Variants in TMCC1 observed in about 807,000 individuals in gnomAD.
The protein encoded by TMCC1 is transmembrane and coiled-coil domain family 1.
In TMCC1, 15 loss-of-function variants were observed where a neutral mutation model predicts 52.4. The ratio of observed to expected loss-of-function variants is 0.29; its 90% CI spans 0.19 to 0.44. The LOEUF (loss-of-function observed/expected upper bound fraction) is 0.44. TMCC1 is among the 20% of genes least tolerant of loss of function. TMCC1 has a pLI of 1.00. For missense variants in TMCC1, 503 were observed against 806.0 expected, an observed-to-expected ratio of 0.62 and a Z score of 4.55; for synonymous variants, 279 against 301.9, an observed-to-expected ratio of 0.92 and a Z score of 0.79.
intron 4 of TMCC1, among the ~76,000 whole-genome samples, chr3:129,806,330 A>G (rs1030845749): frequency 6.6e-6 from 1 of 152,248 alleles, no homozygotes; most frequent in Non-Finnish European, 1.5e-5. Flanking sequence ...AAAACAGATC[A>G]TCATTCTGAG....
chr3:129,738,387 G>A (rs2051167373), intron 4 of TMCC1, among the ~76,000 whole-genome samples: 2 of 152,054 alleles, frequency 1.3e-5, no homozygotes, highest in African/African-American at 2.4e-5. Context: ...CAGGCGTCAC[G>A]TTAATTAGGA....
intron 4 of TMCC1, among the ~76,000 whole-genome samples, chr3:129,788,364 T>C (rs2056190059): frequency 6.6e-6 from 1 of 152,252 alleles, no homozygotes; most frequent in South Asian, 2.1e-4. Context: ...AGTTTCTCTA[T>C]TTTTAGCCTA....
chr3:129,695,624 A>G (rs1173229074), intron 4 of TMCC1, among the ~76,000 whole-genome samples: 2 of 152,132 alleles, frequency 1.3e-5, no homozygotes, highest in African/African-American at 2.4e-5. Flanking sequence ...TGAGAACAGC[A>G]TGAGGGTAAC....
At chr3:129,717,865 T>C (rs2107585432) in intron 4 of TMCC1, among the ~76,000 whole-genome samples, 1 of 152,310 alleles carries the variant, frequency 6.6e-6, no homozygotes, top group Non-Finnish European at 1.5e-5. Context: ...ACCAGAATGA[T>C]CCTTTAAAAA....
chr3:129,731,771 C>G (rs541734056), intron 4 of TMCC1, among the ~76,000 whole-genome samples: 2 of 152,148 alleles, frequency 1.3e-5, no homozygotes, highest in African/African-American at 4.8e-5. Flanking sequence ...CAGGTGTCAG[C>G]CCCCAAGCCC....
At chr3:129,724,484 C>T (rs2049917341) in intron 4 of TMCC1, among the ~76,000 whole-genome samples, 1 of 152,188 alleles carries the variant, frequency 6.6e-6, no homozygotes. Flanking sequence ...AACCCCAAAC[C>T]ACCTCTGTGA....
chr3:129,883,810 T>C (rs751888155), intron 1 of TMCC1, among the ~76,000 whole-genome samples: 3 of 151,902 alleles, frequency 2.0e-5, no homozygotes, highest in Admixed American at 2.0e-4. Flanking sequence ...TTCACCAACA[T>C]GGTGAAACAA....
At chr3:129,765,906 TAC>T (rs1372089766) in intron 4 of TMCC1, among the ~76,000 whole-genome samples, 1 of 151,532 alleles carries the variant, frequency 6.6e-6, no homozygotes, top group Non-Finnish European at 1.5e-5. Context: ...GGGAGGGAGG[TAC>T]ACAGGGAGTG....
intron 2 of TMCC1, among the ~76,000 whole-genome samples, chr3:129,843,788 C>T (rs1283340517): frequency 6.6e-6 from 1 of 151,538 alleles, no homozygotes; most frequent in East Asian, 1.9e-4. Flanking sequence ...GTTAATTCGA[C>T]CAACCATTTA....
chr3:129,850,340 C>A (rs550012831), intron 2 of TMCC1, among the ~76,000 whole-genome samples: 2 of 152,360 alleles, frequency 1.3e-5, no homozygotes, highest in African/African-American at 4.8e-5. Context: ...ATACCCAACA[C>A]ACTGATGTTA....
chr3:129,881,925 A>C (rs887322937), intron 1 of TMCC1, among the ~76,000 whole-genome samples: 2 of 152,230 alleles, frequency 1.3e-5, no homozygotes, highest in African/African-American at 4.8e-5. Context: ...GCGATGTGTG[A>C]CTATTTGGAG....
At chr3:129,874,679 A>G (rs1374268416) in intron 2 of TMCC1, among the ~76,000 whole-genome samples, 1 of 152,108 alleles carries the variant, frequency 6.6e-6, no homozygotes, top group Admixed American at 6.5e-5. Context: ...CAACATAGCA[A>G]GACCCCATCT....
intron 4 of TMCC1, among the ~76,000 whole-genome samples, chr3:129,696,857 A>C (rs888991773): frequency 1.3e-5 from 2 of 152,224 alleles, no homozygotes; most frequent in Non-Finnish European, 2.9e-5. Context: ...CTTTGACTCT[A>C]TGTCTCACAT....
In TMCC1 at chr3:129,784,629, G is replaced by A. The variant is rs190021160; in HGVS notation, c.576+43174C>T. 1.3e-3 allele frequency among the ~76,000 whole-genome samples: 192 copies of A among 151,442 alleles called. 2 individuals are homozygous for A. In the East Asian group the frequency reaches 0.029, roughly 23 times the overall value. On this transcript the variant is annotated intron_variant, in intron 4 of 6. Coordinates refer to ENST00000393238, the MANE Select transcript of TMCC1 (RefSeq NM_001017395.5). ...TAATGATAAATACATGGTGGGGGGT[G>A]GGGAGAAGAGTGTGTGGAGGGAGTG...
intron 4 of TMCC1, among the ~76,000 whole-genome samples, chr3:129,800,253 C>T (rs2057101003): frequency 6.6e-6 from 1 of 152,092 alleles, no homozygotes; most frequent in Non-Finnish European, 1.5e-5. Context: ...TGAATCTATG[C>T]TGTATCTATT....
At chr3:129,666,089 A>T (rs1359885446) in intron 5 of TMCC1, among the ~76,000 whole-genome samples, 1 of 152,268 alleles carries the variant, frequency 6.6e-6, no homozygotes, top group African/African-American at 2.4e-5. Flanking sequence ...TCTTGGTCAC[A>T]GAAGGATCTG....
intron 4 of TMCC1, among the ~76,000 whole-genome samples, chr3:129,742,287 T>C (rs1273224356): frequency 6.6e-6 from 1 of 151,988 alleles, no homozygotes; most frequent in Non-Finnish European, 1.5e-5. Flanking sequence ...AGTGAAAAGA[T>C]AAAAACCACA....
intron 2 of TMCC1, among the ~76,000 whole-genome samples, chr3:129,877,170 A>G (rs1169488297): frequency 6.6e-6 from 1 of 152,166 alleles, no homozygotes; most frequent in African/African-American, 2.4e-5. Context: ...GAAAGACAAC[A>G]TCTCCAATCA....
intron 4 of TMCC1, among the ~76,000 whole-genome samples, chr3:129,706,350 C>T (rs888861460): frequency 3.3e-5 from 5 of 151,298 alleles, no homozygotes; most frequent in African/African-American, 1.2e-4. Flanking sequence ...GGACTACAAA[C>T]GTGCACCACC....
Sources: gnomAD v4.1 joint callset for allele counts (sites outside exome capture counted in the v4.1 genomes callset) on GRCh38, gnomAD v4.1.1 for gene constraint, MANE v1.5 for transcripts, NCBI Gene and HGNC (gene_info 2026-07-23, HGNC 2026-07-21) for gene names.